CHD3: variants seen among roughly 807,000 people sequenced by gnomAD.
CHD3 encodes chromodomain helicase DNA binding protein 3.
A neutral mutation model predicts 248.9 loss-of-function variants in CHD3; 52 were observed. The observed-to-expected ratio is 0.21, with a 90% confidence interval of 0.17 to 0.26. The LOEUF (loss-of-function observed/expected upper bound fraction) is 0.26, where lower values mean the gene tolerates loss of function less well. Among genes scored for constraint, CHD3 ranks in the 10% least tolerant of loss-of-function variants. The pLI is 1.00. For missense variants in CHD3, 1,482 were observed against 2,605.8 expected, an observed-to-expected ratio of 0.57 and a Z score of 9.39; for synonymous variants, 985 against 985.2, an observed-to-expected ratio of 1.00 and a Z score of 0.00.
In CHD3 at chr17:7,906,100, C is replaced by G. The variant is rs1970895546; in HGVS notation, c.4358+111C>G. 6.9e-7 allele frequency: 1 copy of G among 1,459,560 alleles called. No individual in the cohort carries two copies. The highest frequency in any genetic ancestry group is 9.5e-7 in the Non-Finnish European group (1 of 1,050,194). The allele number at this position is 1,459,560 out of a possible 1,614,324, so 90.4% of individuals were successfully genotyped here. On this transcript the variant is annotated intron_variant, in intron 28 of 39. Transcript: ENST00000330494. This position sits in a 1 kb window ranked among gnomAD's most constrained non-coding sequence, Gnocchi z 5.0. ...TGACCTTACTCAACTGATTATCACC[C>G]TCCCTGTCATACAATACTTCCTGGC... is the stretch of plus-strand genomic sequence containing the variant.
In CHD3 at chr17:7,893,788, C is replaced by A. The variant is rs774733248; in HGVS notation, c.794-17C>A. 1.2e-6 allele frequency: 2 copies of A among 1,612,534 alleles called. No homozygotes were observed. The highest frequency in any genetic ancestry group is 3.4e-5 in the Admixed American group (2 of 59,638). ...GACCTCTCCTTTTTCCTCTTCTCAC[C>A]CCGACTCCTCATTCAGGTCCAGGCC... On this transcript the variant is annotated splice_polypyrimidine_tract_variant and intron_variant, in intron 5 of 39. Coordinates refer to ENST00000330494, the MANE Select transcript of CHD3 (RefSeq NM_001005273.3).
Position 7,894,252 on chromosome 17 carries a change from G to A in CHD3, c.1062G>A (p.Arg354=). Reference sequence around the variant, plus strand: ...AACTAAAGAGAGGCCGGCCAGGAAGGAAGAAGAAGAAGGGTAAGGAGTGTT... The same window carrying A: ...AACTAAAGAGAGGCCGGCCAGGAAGAAAGAAGAAGAAGGGTAAGGAGTGTT... ...TKKLKRGRPG[R]KKKKVLGCPA... The change falls in exon 7 of 40, where the codon AGG becomes AGA. Residue 354 remains arginine, a synonymous_variant. Coordinates refer to ENST00000330494, the MANE Select transcript of CHD3 (RefSeq NM_001005273.3). The A allele has an allele frequency of 1.2e-6, 2 of 1,613,172 alleles. No homozygotes were observed. The highest frequency in any genetic ancestry group is 1.7e-6 in the Non-Finnish European group (2 of 1,179,464).
Position 7,908,150 on chromosome 17 carries a change from A to C in CHD3, c.5152+131A>C. On this transcript the variant is annotated intron_variant, in intron 34 of 39. Coordinates refer to ENST00000330494, the MANE Select transcript of CHD3 (RefSeq NM_001005273.3). This position sits in a 1 kb window ranked among gnomAD's most constrained non-coding sequence, Gnocchi z 5.8. Reference sequence around the variant, plus strand: ...TTCCAATGAAGTATGTTGCATGCTGACTCCGATCCTTGCTCTAAATCTTTC... The same window carrying C: ...TTCCAATGAAGTATGTTGCATGCTGCCTCCGATCCTTGCTCTAAATCTTTC... 8.7e-7 allele frequency: 1 copy of C among 1,150,380 alleles called. No individual in the cohort carries two copies. Among genetic ancestry groups the C allele is most frequent in the South Asian group, 1.5e-5 (1 of 65,176 alleles). The allele number at this position is 1,150,380 out of a possible 1,614,324, so 71.3% of individuals were successfully genotyped here. A position where few individuals can be genotyped will look rare whatever the true frequency, so the allele number is the denominator to read the frequency against.
At position 7,903,132 on chromosome 17, in the gene CHD3, T is replaced by C; in HGVS notation, c.3495+71T>C. 6.3e-7 allele frequency: 1 copy of C among 1,583,282 alleles called. No individual in the cohort carries two copies. Among genetic ancestry groups the C allele is most frequent in the Non-Finnish European group, 8.6e-7 (1 of 1,160,042 alleles). On this transcript the variant is annotated intron_variant, in intron 22 of 39. Transcript: ENST00000330494. This position sits in a 1 kb window ranked among gnomAD's most constrained non-coding sequence, Gnocchi z 6.8. ...TGTGGGTTCATGGAGGAGGGTGTCA[T>C]GTTCCGGGGTCAGAAATAAATCTCT...
In CHD3 at chr17:7,903,964, A is replaced by G. The variant is rs1567862687; in HGVS notation, c.3867A>G (p.Ala1289=). 1 of 1,614,174 alleles carries G rather than the reference A, an allele frequency of 6.2e-7. No individual in the cohort carries two copies. Among genetic ancestry groups the G allele is most frequent in the Non-Finnish European group, 8.5e-7 (1 of 1,180,020 alleles). Reference sequence around the variant, plus strand: ...AGTATCTCAGCTCCTTCAAGGTGGCACAGTACGTCGTGCGGGAAGAAGACA... The same window carrying G: ...AGTATCTCAGCTCCTTCAAGGTGGCGCAGTACGTCGTGCGGGAAGAAGACA... ...MNEYLSSFKV[A]QYVVREEDKI... is the part of the protein sequence containing the mutation. The change falls in exon 24 of 40, where the codon GCA becomes GCG. Residue 1289 remains alanine (A), a synonymous_variant. Transcript: ENST00000330494. The surrounding 1 kb of genome is among the most constrained non-coding windows in gnomAD (Gnocchi z 6.8).
In CHD3 at chr17:7,893,268, C is replaced by T; in HGVS notation, c.510-18C>T. ...ACCATCTGTGAAGGGTCCGAGTTTT[C>T]TGCTTCTATATTTACAGGCCCCTAA... On this transcript the variant is annotated intron_variant, in intron 4 of 39. Coordinates refer to ENST00000330494, the MANE Select transcript of CHD3 (RefSeq NM_001005273.3). The T allele has an allele frequency of 6.3e-7, 1 of 1,589,170 alleles. No individual in the cohort carries two copies. Among genetic ancestry groups the T allele is most frequent in the Non-Finnish European group, 8.6e-7 (1 of 1,165,594 alleles).
At chr17:7,890,889 T>C (rs763880939) in intron 3 of CHD3, 51 bp from the exon 4 acceptor site, 1 of 1,610,606 alleles carries the variant, frequency 6.2e-7, no homozygotes, top group Non-Finnish European at 8.5e-7. Context: ...GTGTGCGGCC[T>C]GGAATAGGGG....
chr17:7,887,906 C>A (rs562873991), upstream of CHD3, among the ~76,000 whole-genome samples: 1 of 152,372 alleles, frequency 6.6e-6, no homozygotes, highest in South Asian at 2.1e-4. Context: ...CGCTTTGCCT[C>A]TCCCGCCACC....
chr17:7,885,555 G>C (rs1967768954), upstream of CHD3, among the ~76,000 whole-genome samples: 1 of 151,758 alleles, frequency 6.6e-6, no homozygotes, highest in Non-Finnish European at 1.5e-5. Context: ...GTGGGGGAGG[G>C]GCACGTGGGG....
In CHD3 at chr17:7,908,091, C is replaced by G. The variant is rs1303279192; in HGVS notation, c.5152+72C>G. 1 of 1,493,772 alleles carries G rather than the reference C, an allele frequency of 6.7e-7. No homozygotes were observed. The highest frequency in any genetic ancestry group is 2.3e-5 in the East Asian group (1 of 43,790). 92.5% of individuals were successfully genotyped at this position (1,493,772 alleles called of 1,614,324 possible). A position where few individuals can be genotyped will look rare whatever the true frequency, so the allele number is the denominator to read the frequency against. The stretch of plus-strand genomic sequence containing the variant: ...ATCCTCATGGGGTTTCTCGTTTTGC[C>G]TGAGGCTTCCTGCTACCTTTAATTC... On this transcript the variant is annotated intron_variant, in intron 34 of 39. Coordinates refer to ENST00000330494, the MANE Select transcript of CHD3 (RefSeq NM_001005273.3). This position sits in a 1 kb window ranked among gnomAD's most constrained non-coding sequence, Gnocchi z 5.8.
At chr17:7,894,840 C>T in intron 8 of CHD3, 77 bp from the exon 9 acceptor site, 1 of 1,573,900 alleles carries the variant, frequency 6.4e-7, no homozygotes, top group South Asian at 1.2e-5. Context: ...ATTCAGGTGT[C>T]CTGTCTTTGC....
In CHD3 at chr17:7,905,512, G is replaced by A. The variant is rs1970820542; in HGVS notation, c.4139-109G>A. 2.4e-6 allele frequency: 2 copies of A among 828,764 alleles called. No individual in the cohort carries two copies. Among genetic ancestry groups the A allele is most frequent in the Middle Eastern group, 2.6e-4 (1 of 3,912 alleles). The allele number at this position is 828,764 out of a possible 1,614,324, so 51.3% of individuals were successfully genotyped here. A position where few individuals can be genotyped will look rare whatever the true frequency, so the allele number is the denominator to read the frequency against. ...GGAGAGAATTGGGAGCACCTCAAAC[G>A]TGACAGGAATGTTCCTGTGTTGTGT... On this transcript the variant is annotated intron_variant, in intron 26 of 39. Coordinates refer to ENST00000330494, the MANE Select transcript of CHD3 (RefSeq NM_001005273.3). This position sits in a 1 kb window ranked among gnomAD's most constrained non-coding sequence, Gnocchi z 5.8.
At chr17:7,891,618 T>C (rs1250872377) in intron 4 of CHD3, among the ~76,000 whole-genome samples, 1 of 152,072 alleles carries the variant, frequency 6.6e-6, no homozygotes, top group African/African-American at 2.4e-5. Context: ...CCAAGCACTT[T>C]GGGAGGCCAA....
At position 7,904,416 on chromosome 17, in the gene CHD3, T is replaced by A; in HGVS notation, c.3895-26T>A. The A allele has an allele frequency of 6.2e-7, 1 of 1,601,038 alleles. No individual in the cohort carries two copies. Among genetic ancestry groups the A allele is most frequent in the Non-Finnish European group, 8.5e-7 (1 of 1,170,194 alleles). On this transcript the variant is annotated intron_variant, in intron 24 of 39. Transcript: ENST00000330494. This position sits in a 1 kb window ranked among gnomAD's most constrained non-coding sequence, Gnocchi z 4.4. ...GATTAGCAAAGAAGGAGACCCCCAG[T>A]GTTCATTCATTCTGTTGCCCTTCAG... is the stretch of plus-strand genomic sequence containing the variant.
Position 7,907,798 on chromosome 17 carries a change from G to C in CHD3, c.5026+96G>C, listed in dbSNP as rs1261898305. Reference sequence around the variant, plus strand: ...ATGCTTGGGTCCTGGGCGGGTAGCTGTTTGAAAGGCCAGTACAGTACAGTA... The same window carrying C: ...ATGCTTGGGTCCTGGGCGGGTAGCTCTTTGAAAGGCCAGTACAGTACAGTA... On this transcript the variant is annotated intron_variant, in intron 33 of 39. Coordinates refer to ENST00000330494, the MANE Select transcript of CHD3 (RefSeq NM_001005273.3). The surrounding 1 kb of genome is among the most constrained non-coding windows in gnomAD (Gnocchi z 4.3). 1.3e-6 allele frequency: 2 copies of C among 1,514,576 alleles called. No homozygotes were observed. The highest frequency in any genetic ancestry group is 1.8e-6 in the Non-Finnish European group (2 of 1,132,728). 93.8% of individuals were successfully genotyped at this position (1,514,576 alleles called of 1,614,324 possible).
chr17:7,907,569 C>T lies in CHD3; in HGVS notation c.4925-32C>T. 1 of 1,517,662 alleles carries T rather than the reference C, an allele frequency of 6.6e-7. No homozygotes were observed. The highest frequency in any genetic ancestry group is 8.8e-7 in the Non-Finnish European group (1 of 1,134,264). The allele number at this position is 1,517,662 out of a possible 1,614,324, so 94.0% of individuals were successfully genotyped here. A position where few individuals can be genotyped will look rare whatever the true frequency, so the allele number is the denominator to read the frequency against. ...TGGGGTCAGGGGATGAGGGTAACAT[C>T]CTCCCTTCCTATCCCCTACCCCCTC... On this transcript the variant is annotated intron_variant, in intron 32 of 39. Transcript: ENST00000330494. The surrounding 1 kb of genome is among the most constrained non-coding windows in gnomAD (Gnocchi z 4.3).
At chr17:7,884,924 G>A, upstream of CHD3, 2 of 1,413,944 alleles carry the variant, frequency 1.4e-6, no homozygotes, top group East Asian at 3.0e-5. Flanking sequence ...GGAGGCGGCC[G>A]ACGAGGACGA....
Position 7,909,579 on chromosome 17 carries a change from C to T in CHD3, c.5590+241C>T, listed in dbSNP as rs1971401381. ...CATCCGTGCCCAATAGAGGGACCTGCCCCAGCCTCTGTGTCCCCTCCACAC... is the reference window on the plus strand; with the variant it reads ...CATCCGTGCCCAATAGAGGGACCTGTCCCAGCCTCTGTGTCCCCTCCACAC... On this transcript the variant is annotated intron_variant, in intron 37 of 39. Transcript: ENST00000330494. This position sits in a 1 kb window ranked among gnomAD's most constrained non-coding sequence, Gnocchi z 8.1. 1.7e-6 allele frequency: 1 copy of T among 578,514 alleles called. No homozygotes were observed. The highest frequency in any genetic ancestry group is 2.3e-5 in the South Asian group (1 of 43,740). The allele number at this position is 578,514 out of a possible 1,614,324, so 35.8% of individuals were successfully genotyped here.
chr17:7,886,246 C>G (rs935184191), upstream of CHD3, among the ~76,000 whole-genome samples: 2 of 152,240 alleles, frequency 1.3e-5, no homozygotes, highest in African/African-American at 2.4e-5. The surrounding 1 kb of genome is among the most constrained non-coding windows in gnomAD (Gnocchi z 4.2). Context: ...GCGGCGCTCT[C>G]CAGACCGCTG....
Sources: allele counts gnomAD v4.1 joint callset (sites outside exome capture counted in the v4.1 genomes callset), GRCh38; gene constraint gnomAD v4.1.1; non-coding constraint Gnocchi (gnomAD v3.1); transcripts MANE v1.5; gene names NCBI Gene and HGNC (gene_info 2026-07-23, HGNC 2026-07-21).